Variants in SAXO1 observed in about 807,000 individuals in gnomAD.
SAXO1 encodes 4930500O09Rik.
SAXO1 carries 21 observed loss-of-function variants against 17.5 expected under a neutral mutation model. The observed-to-expected ratio is 1.20, with a 90% CI of 0.85 to 1.72. The LOEUF is 1.72. SAXO1 is among the 40% of genes most tolerant of loss of function. The pLI, the probability that SAXO1 is intolerant of heterozygous loss-of-function variation, is 0.00. For synonymous variants in SAXO1, 274 were observed against 216.5 expected (o/e 1.27, Z -2.33); for missense variants, 843 against 596.0 (o/e 1.41, Z -4.32).
chr9:19,032,510 A>T (rs917952423), intron 1 of SAXO1, among the ~76,000 whole-genome samples: 1 of 152,206 alleles, frequency 6.6e-6, no homozygotes, highest in East Asian at 1.9e-4. Flanking sequence ...TTCTCCTCCC[A>T]TCCTATCACT....
intron 1 of SAXO1, among the ~76,000 whole-genome samples, chr9:19,030,110 G>C (rs10757025): frequency 6.6e-6 from 1 of 151,916 alleles, no homozygotes; most frequent in African/African-American, 2.4e-5. Context: ...CAGGGAACTT[G>C]CAAGTGAAAC....
intron 1 of SAXO1, among the ~76,000 whole-genome samples, chr9:18,973,303 T>C (rs556674409): frequency 3.3e-5 from 5 of 152,348 alleles, no homozygotes; most frequent in East Asian, 3.9e-4. Flanking sequence ...CAAACTACTA[T>C]AGAAGAATCA....
At chr9:19,044,998 G>A (rs769829230) in intron 1 of SAXO1, among the ~76,000 whole-genome samples, 2 of 151,870 alleles carry the variant, frequency 1.3e-5, no homozygotes, top group Non-Finnish European at 2.9e-5. Context: ...AGGAGGGATT[G>A]TTTGAAGAGC....
At position 18,994,014 on chromosome 9, in the gene SAXO1, T is replaced by C. The variant is rs1833912970; in HGVS notation, c.38+38857A>G. On this transcript the variant is annotated intron_variant, in intron 1 of 3. Coordinates refer to ENST00000380534, the MANE Select transcript of SAXO1 (RefSeq NM_153707.4). ...TTAAACCAAATCAACTTATCATTTC[T>C]GACACTAAAACAATGCCAAAGTATG... 2.0e-5 allele frequency among the ~76,000 whole-genome samples: 3 copies of C among 152,230 alleles called. No homozygotes were observed. The South Asian group carries it at 6.2e-4, about 31-fold the overall frequency.
chr9:19,003,291 T>C (rs1408369966), intron 1 of SAXO1, among the ~76,000 whole-genome samples: 2 of 152,096 alleles, frequency 1.3e-5, no homozygotes, highest in Non-Finnish European at 2.9e-5. Context: ...ATAGGAAGAA[T>C]CAATATTGTG....
At chr9:18,930,697 C>G (rs1275558410) in intron 3 of SAXO1, among the ~76,000 whole-genome samples, 1 of 152,158 alleles carries the variant, frequency 6.6e-6, no homozygotes, top group Non-Finnish European at 1.5e-5. Flanking sequence ...CGGTGTTTCT[C>G]CGTGTTGGTC....
chr9:18,973,786 A>T (rs960644583), intron 1 of SAXO1, among the ~76,000 whole-genome samples: 1 of 152,226 alleles, frequency 6.6e-6, no homozygotes, highest in African/African-American at 2.4e-5. Context: ...CTTACCTATT[A>T]TATCCTGATC....
intron 1 of SAXO1, among the ~76,000 whole-genome samples, chr9:18,995,861 C>T (rs1424606879): frequency 6.6e-6 from 1 of 152,142 alleles, no homozygotes; most frequent in Non-Finnish European, 1.5e-5. Flanking sequence ...GGGAGGATCA[C>T]TTGAGGTCAG....
chr9:19,040,698 T>C lies in SAXO1; in HGVS notation c.-158+8511A>G, dbSNP rs533655833. On this transcript the variant is annotated intron_variant, in intron 1 of 3. Transcript: ENST00000542071. The stretch of plus-strand genomic sequence containing the variant: ...GAGAAAGAAAGAGGACATAAAACTA[T>C]ATATTATACAATTCCACTTATATGA... Among the ~76,000 whole-genome samples, 3 of 152,062 alleles carry C rather than the reference T, an allele frequency of 2.0e-5. No homozygotes were observed. In the South Asian group the frequency reaches 6.2e-4, roughly 32 times the overall value.
At chr9:18,991,703 C>T (rs1360790757) in intron 1 of SAXO1, among the ~76,000 whole-genome samples, 1 of 152,140 alleles carries the variant, frequency 6.6e-6, no homozygotes, top group East Asian at 1.9e-4. Context: ...TACCCTAGAA[C>T]TTAAAGTACA....
chr9:19,046,990 C>A (rs1309726525), intron 1 of SAXO1, among the ~76,000 whole-genome samples: 1 of 152,190 alleles, frequency 6.6e-6, no homozygotes, highest in Non-Finnish European at 1.5e-5. Context: ...AGTTTGAGAC[C>A]AGCCTGGCCA....
At chr9:18,944,683 G>C (rs963191676) in intron 2 of SAXO1, among the ~76,000 whole-genome samples, 2 of 152,142 alleles carry the variant, frequency 1.3e-5, no homozygotes, top group African/African-American at 4.8e-5. Context: ...GGTCCTGCTG[G>C]GGAAGTCATA....
At chr9:18,983,901 T>C (rs1479393264) in intron 1 of SAXO1, among the ~76,000 whole-genome samples, 3 of 152,246 alleles carry the variant, frequency 2.0e-5, no homozygotes, top group African/African-American at 7.2e-5. Context: ...TGACTCTTGT[T>C]AGGAGTTAAC....
chr9:18,964,392 A>G (rs1225724378), intron 1 of SAXO1, among the ~76,000 whole-genome samples: 2 of 152,162 alleles, frequency 1.3e-5, no homozygotes, highest in Admixed American at 6.5e-5. Flanking sequence ...CTGTGAATCT[A>G]TCTTGACCTG....
chr9:18,939,814 T>C (rs1831473569), intron 3 of SAXO1, among the ~76,000 whole-genome samples: 1 of 152,242 alleles, frequency 6.6e-6, no homozygotes, highest in Admixed American at 6.5e-5. Flanking sequence ...TAAAATGATA[T>C]GATTAGACAA....
chr9:18,991,411 T>C (rs187272461), intron 1 of SAXO1, among the ~76,000 whole-genome samples: 222 of 152,290 alleles, frequency 1.5e-3, no homozygotes, highest in African/African-American at 5.1e-3. Context: ...TTCATGTCCT[T>C]TGCAGGGACA....
intron 1 of SAXO1, among the ~76,000 whole-genome samples, chr9:19,001,996 T>C (rs1834292693): frequency 6.6e-6 from 1 of 152,010 alleles, no homozygotes; most frequent in South Asian, 2.1e-4. Flanking sequence ...GATAGCCCAC[T>C]AGCCAGACTA....
At chr9:18,930,619 C>A (rs1450463227) in intron 3 of SAXO1, among the ~76,000 whole-genome samples, 1 of 152,166 alleles carries the variant, frequency 6.6e-6, no homozygotes, top group African/African-American at 2.4e-5. Flanking sequence ...CCTGCCTCAG[C>A]CTCCCTAGTA....
intron 1 of SAXO1, among the ~76,000 whole-genome samples, chr9:18,977,684 C>T (rs1833204243): frequency 6.6e-6 from 1 of 152,086 alleles, no homozygotes; most frequent in Non-Finnish European, 1.5e-5. Context: ...TGTGTATATA[C>T]ACATTTTCCT....
Sources: gnomAD v4.1 joint callset for allele counts (sites outside exome capture counted in the v4.1 genomes callset) on GRCh38, gnomAD v4.1.1 for gene constraint, MANE v1.5 for transcripts, NCBI Gene and HGNC (gene_info 2026-07-23, HGNC 2026-07-21) for gene names.